Variants in NALCN observed in about 807,000 individuals in gnomAD.
NALCN encodes the protein sodium leak channel, non-selective, also known as sodium leak channel NALCN.
A neutral mutation model predicts 225.3 loss-of-function variants in NALCN; 111 were observed. That is an observed-to-expected ratio of 0.49 (90% CI 0.42 to 0.58). NALCN has a LOEUF of 0.58. NALCN is among the 20% of genes least tolerant of loss of function. NALCN has a pLI of 0.00. For synonymous variants in NALCN, 764 were observed against 769.0 expected (o/e 0.99, Z 0.11); for missense variants, 1,378 against 2,202.4 (o/e 0.63, Z 7.49).
At chr13:101,213,028 G>A (rs1000704931) in intron 13 of NALCN, among the ~76,000 whole-genome samples, 5 of 152,090 alleles carry the variant, frequency 3.3e-5, no homozygotes, top group African/African-American at 1.2e-4. Flanking sequence ...GAGGCATCAC[G>A]CTACCTGACT....
rs766908113 is a variant in NALCN, at chr13:101,067,969, A to G, written c.4395T>C (p.Asn1465=). The change falls in exon 39 of 44, where the codon AAT becomes AAC. Residue 1465 remains asparagine (N), a synonymous_variant. Coordinates refer to ENST00000251127, the MANE Select transcript of NALCN (RefSeq NM_052867.4). ...STEEDQLLSY[N]DLRHFQIIWN... ...ATATTATTTGAAAGTGGCGAAGATC[A>G]TTGTAACTTAAAAGCTGGTCCTCCT... 6 of 1,613,366 alleles carry G rather than the reference A, an allele frequency of 3.7e-6. No individual in the cohort carries two copies. The highest frequency in any genetic ancestry group is 1.7e-5 in the Admixed American group (1 of 59,884).
At chr13:101,264,251 T>C (rs932908840) in intron 10 of NALCN, among the ~76,000 whole-genome samples, 6 of 152,176 alleles carry the variant, frequency 3.9e-5, no homozygotes, top group African/African-American at 1.4e-4. Context: ...TATTTTAATA[T>C]AAGGTCCTTC....
chr13:101,235,284 C>T (rs1348553313), intron 12 of NALCN, among the ~76,000 whole-genome samples: 1 of 151,996 alleles, frequency 6.6e-6, no homozygotes, highest in Non-Finnish European at 1.5e-5. Flanking sequence ...ATTTTGCACA[C>T]AAATGTTATT....
chr13:101,342,513 G>T (rs2045588807), intron 7 of NALCN, among the ~76,000 whole-genome samples: 1 of 152,108 alleles, frequency 6.6e-6, no homozygotes, highest in African/African-American at 2.4e-5. Context: ...ATCAGCCTTT[G>T]CTCTGATTCC....
intron 13 of NALCN, among the ~76,000 whole-genome samples, chr13:101,199,936 C>T: frequency 6.6e-6 from 1 of 152,242 alleles, no homozygotes; most frequent in East Asian, 1.9e-4. Context: ...CAGCCCTTTG[C>T]ATGCTCCTTT....
chr13:101,310,933 C>A (rs9518369), intron 7 of NALCN, among the ~76,000 whole-genome samples: 89,228 of 151,126 alleles, frequency 0.59, 26,639 homozygotes, highest in East Asian at 0.78. Context: ...GGCACTGAAT[C>A]TGTAAATTAC....
At position 101,219,707 on chromosome 13, in the gene NALCN, T is replaced by C. The variant is rs546762042; in HGVS notation, c.1626+9686A>G. 3.9e-5 allele frequency among the ~76,000 whole-genome samples: 6 copies of C among 152,284 alleles called. No individual in the cohort carries two copies. In the South Asian group the frequency reaches 1.0e-3, roughly 26 times the overall value. On this transcript the variant is annotated intron_variant, in intron 13 of 43. Transcript: ENST00000251127. ...AGAGGCCTTTCCTTCCAGGTACAGA[T>C]TGACAAAATATTTATATTCTTGGCA...
intron 7 of NALCN, among the ~76,000 whole-genome samples, chr13:101,328,517 T>C (rs1034831457): frequency 6.6e-6 from 1 of 152,082 alleles, no homozygotes; most frequent in Admixed American, 6.6e-5. Context: ...TAATCATGAG[T>C]GTTTTGCCAG....
chr13:101,171,555 T>A (rs929397294), intron 15 of NALCN, among the ~76,000 whole-genome samples: 4 of 152,136 alleles, frequency 2.6e-5, no homozygotes, highest in Non-Finnish European at 4.4e-5. Context: ...ATGAAAAGAT[T>A]ACGCTGCCCT....
intron 6 of NALCN, among the ~76,000 whole-genome samples, chr13:101,346,672 T>G (rs1485837224): frequency 6.6e-6 from 1 of 152,118 alleles, no homozygotes; most frequent in Admixed American, 6.6e-5. Flanking sequence ...AAGAATAGGT[T>G]GGATATCAAC....
At chr13:101,075,730 T>C (rs1054072979) in intron 35 of NALCN, 143 bp downstream of exon 35, 1 of 525,774 alleles carries the variant, frequency 1.9e-6, no homozygotes, top group Non-Finnish European at 3.2e-6. Flanking sequence ...CAATGTTTAA[T>C]ATTTGTTAAT....
intron 11 of NALCN, among the ~76,000 whole-genome samples, chr13:101,251,340 C>T (rs2042056163): frequency 1.3e-5 from 2 of 151,974 alleles, no homozygotes; most frequent in Admixed American, 6.5e-5. Context: ...CACCTTAATA[C>T]TTCATACTAT....
chr13:101,320,657 C>A (rs1458917564), intron 7 of NALCN, among the ~76,000 whole-genome samples: 5 of 152,092 alleles, frequency 3.3e-5, no homozygotes, highest in African/African-American at 1.2e-4. Context: ...GGGTCCATTA[C>A]CAGTTTTTCA....
chr13:101,285,638 A>C (rs1370078525), intron 9 of NALCN, among the ~76,000 whole-genome samples: 1 of 152,186 alleles, frequency 6.6e-6, no homozygotes, highest in Non-Finnish European at 1.5e-5. Context: ...GCCAACTGCA[A>C]ATTGCTCATC....
chr13:101,120,575 T>C (rs1252247388), intron 18 of NALCN, among the ~76,000 whole-genome samples: 1 of 149,192 alleles, frequency 6.7e-6, no homozygotes, highest in African/African-American at 2.5e-5. Flanking sequence ...TTAAAGGTAA[T>C]ACATGTGTCT....
chr13:101,218,868 CTCT>C (rs1484224803), intron 13 of NALCN, among the ~76,000 whole-genome samples: 2 of 152,178 alleles, frequency 1.3e-5, no homozygotes, highest in South Asian at 2.1e-4. Context: ...AATTAAACCT[CTCT>C]TCTTTGTAAT....
intron 14 of NALCN, among the ~76,000 whole-genome samples, 182 bp from the exon 15 acceptor site, chr13:101,176,556 T>C (rs2038966939): frequency 6.6e-6 from 1 of 152,154 alleles, no homozygotes; most frequent in African/African-American, 2.4e-5. Context: ...TGAAATAAAA[T>C]GCATACGTTC....
chr13:101,162,191 A>G (rs1447610096), intron 15 of NALCN, among the ~76,000 whole-genome samples: 1 of 152,176 alleles, frequency 6.6e-6, no homozygotes, highest in Admixed American at 6.5e-5. Context: ...TTATTTTCTG[A>G]AGAAAGCTCA....
At chr13:101,237,442 G>A (rs987251571) in intron 12 of NALCN, among the ~76,000 whole-genome samples, 3 of 151,846 alleles carry the variant, frequency 2.0e-5, no homozygotes, top group Non-Finnish European at 2.9e-5. Flanking sequence ...AATTTGATAC[G>A]CATGTATGGA....
Sources: gnomAD v4.1 joint callset for allele counts (sites outside exome capture counted in the v4.1 genomes callset) on GRCh38, gnomAD v4.1.1 for gene constraint, MANE v1.5 for transcripts, NCBI Gene and HGNC (gene_info 2026-07-23, HGNC 2026-07-21) for gene names.